The following DYNC2H1 variants were observed in gnomAD, a reference collection of about 807,000 sequenced individuals.
DYNC2H1 encodes cytoplasmic dynein 2 heavy chain 1.
DYNC2H1 carries 410 observed loss-of-function variants against 570.0 expected under a neutral mutation model. The observed-to-expected ratio is 0.72, with a 90% CI of 0.66 to 0.78. DYNC2H1 has a LOEUF of 0.78. DYNC2H1 is among the 30% of genes least tolerant of loss of function. The probability of loss-of-function intolerance (pLI) is 0.00; values close to 1 mark genes in which losing one functional copy is unlikely to be tolerated. For synonymous variants in DYNC2H1, 1,688 were observed against 1,677.6 expected (o/e 1.01, Z -0.15); for missense variants, 4,865 against 5,046.4 (o/e 0.96, Z 1.09).
At position 103,186,487 on chromosome 11, in the gene DYNC2H1, A is replaced by G. The variant is rs2135029657; in HGVS notation, c.6879A>G (p.Glu2293=). Residue 2293 remains glutamate (E), a synonymous_variant, in exon 42 of 89, where the codon GAA becomes GAG. Transcript: ENST00000375735. The surrounding 1 kb of genome is among the most constrained non-coding windows in gnomAD (Gnocchi z 4.5). ...AGCCCTTTATTCTGGTAGGACCAGAAGGATGTGGCAAAGGGTAAGAAAAAT... is the reference window on the plus strand; with the variant it reads ...AGCCCTTTATTCTGGTAGGACCAGAGGGATGTGGCAAAGGGTAAGAAAAAT... ...TKQPFILVGP[E]GCGKGMLLRY... The G allele has an allele frequency of 6.2e-7, 1 of 1,610,750 alleles. No individual in the cohort carries two copies. Among genetic ancestry groups the G allele is most frequent in the East Asian group, 2.2e-5 (1 of 44,802 alleles).
intron 31 of DYNC2H1, 66 bp downstream of exon 31, chr11:103,166,114 A>G (rs1861294462): frequency 7.4e-7 from 1 of 1,356,564 alleles, no homozygotes; most frequent in Admixed American, 2.8e-5. Flanking sequence ...ATCCTAATTT[A>G]CCTATTGTGT....
intron 87 of DYNC2H1, among the ~76,000 whole-genome samples, chr11:103,464,326 TGAA>T (rs1945124077): frequency 1.3e-5 from 2 of 150,576 alleles, no homozygotes; most frequent in South Asian, 4.3e-4. Flanking sequence ...TAGATATGAT[TGAA>T]GAAGACATGA....
chr11:103,236,579 A>T (rs755996277), intron 63 of DYNC2H1, 40 bp downstream of exon 63: 1 of 1,099,798 alleles, frequency 9.1e-7, no homozygotes, highest in South Asian at 1.4e-5. Flanking sequence ...GAAATGTTTT[A>T]TTGTCAAGCT....
chr11:103,342,783 G>A (rs1255205565), intron 82 of DYNC2H1, among the ~76,000 whole-genome samples: 2 of 152,080 alleles, frequency 1.3e-5, no homozygotes, highest in Non-Finnish European at 2.9e-5. Flanking sequence ...GCACCTGGCT[G>A]GGTCTGTGCC....
chr11:103,285,445 C>T (rs695130), intron 73 of DYNC2H1, among the ~76,000 whole-genome samples: 24,541 of 128,112 alleles, frequency 0.19, 2,234 homozygotes, highest in Admixed American at 0.31. Flanking sequence ...TTTTTTGAGA[C>T]AGAGTCTCGC....
intron 53 of DYNC2H1, among the ~76,000 whole-genome samples, chr11:103,210,987 T>C (rs1047387376): frequency 2.6e-5 from 4 of 152,050 alleles, no homozygotes; most frequent in African/African-American, 9.7e-5. Flanking sequence ...TCTTCAGTTA[T>C]TGGAAAATAG....
chr11:103,372,767 T>C (rs1003869790), intron 83 of DYNC2H1, among the ~76,000 whole-genome samples: 2 of 152,210 alleles, frequency 1.3e-5, no homozygotes, highest in African/African-American at 4.8e-5. Context: ...AAAATGAGTT[T>C]AGAATTGTTT....
chr11:103,175,992 T>C (rs571757297), intron 36 of DYNC2H1, among the ~76,000 whole-genome samples: 128 of 152,264 alleles, frequency 8.4e-4, no homozygotes, highest in African/African-American at 3.1e-3. Context: ...ATTAAAGTCT[T>C]GGTACCCTGT....
intron 82 of DYNC2H1, among the ~76,000 whole-genome samples, chr11:103,335,790 G>T (rs1939091401): frequency 1.3e-5 from 2 of 152,052 alleles, no homozygotes; most frequent in Admixed American, 1.3e-4. Context: ...TACTTCTTGT[G>T]CTCCCTGTAA....
In DYNC2H1 at chr11:103,243,740, G is replaced by A. The variant is rs1399952345; in HGVS notation, c.9867G>A (p.Glu3289=). 1.2e-6 allele frequency: 2 copies of A among 1,606,748 alleles called. No homozygotes were observed. Among genetic ancestry groups the A allele is most frequent in the South Asian group, 2.2e-5 (2 of 89,666 alleles). Residue 3289 remains glutamate, a synonymous_variant, in exon 64 of 89, where the codon GAG becomes GAA. Transcript: ENST00000375735. The surrounding 1 kb of genome is among the most constrained non-coding windows in gnomAD (Gnocchi z 4.8). ...FLIDPSSQAT[E]WLKTHLKDSR... The stretch of plus-strand genomic sequence containing the variant: ...TAGATCCTTCTTCCCAAGCTACAGA[G>A]TGGTTAAAAACACATTTGAAAGACT...
chr11:103,163,534 A>T lies in DYNC2H1; in HGVS notation c.4611+387A>T, dbSNP rs928298864. On this transcript the variant is annotated intron_variant, in intron 30 of 88. Coordinates refer to ENST00000375735, the MANE Select transcript of DYNC2H1 (RefSeq NM_001377.3). The surrounding 1 kb of genome is among the most constrained non-coding windows in gnomAD (Gnocchi z 4.6). Reference sequence around the variant, plus strand: ...CTTAGCAGGTATTAGTGTAAATCTGAAATAGTCATAACACTAAACTGTAAT... The same window carrying T: ...CTTAGCAGGTATTAGTGTAAATCTGTAATAGTCATAACACTAAACTGTAAT... Among the ~76,000 whole-genome samples the T allele has an allele frequency of 1.3e-5, 2 of 152,192 alleles. No homozygotes were observed. The highest frequency in any genetic ancestry group is 4.8e-5 in the African/African-American group (2 of 41,448).
At chr11:103,364,302 G>A (rs774243737) in intron 83 of DYNC2H1, among the ~76,000 whole-genome samples, 3 of 149,644 alleles carry the variant, frequency 2.0e-5, no homozygotes, top group East Asian at 2.0e-4. Context: ...GGAGGCTTTC[G>A]TGAGAAGCAG....
In DYNC2H1 at chr11:103,225,441, C is replaced by T. The variant is rs183883316; in HGVS notation, c.9353+2355C>T. On this transcript the variant is annotated intron_variant, in intron 59 of 88. Coordinates refer to ENST00000375735, the MANE Select transcript of DYNC2H1 (RefSeq NM_001377.3). ...GTTAATTTTTGTATAGGGTGAGAGA[C>T]GAGGATCCAGTTTCATTCTTCTACG... Among the ~76,000 whole-genome samples the T allele has an allele frequency of 4.5e-3, 688 of 152,088 alleles. 3 individuals carry two copies. Among genetic ancestry groups the T allele is most frequent in the Middle Eastern group, 0.02 (6 of 294 alleles).
At chr11:103,425,654 A>G (rs943073416) in intron 84 of DYNC2H1, among the ~76,000 whole-genome samples, 16 of 152,150 alleles carry the variant, frequency 1.1e-4, no homozygotes, top group African/African-American at 3.9e-4. Context: ...CTGTTTTAAA[A>G]TAACATTTAA....
chr11:103,345,102 G>A (rs1203539198), intron 82 of DYNC2H1, among the ~76,000 whole-genome samples: 2 of 152,162 alleles, frequency 1.3e-5, no homozygotes, highest in Non-Finnish European at 2.9e-5. Context: ...ACATTATAAA[G>A]CAGTGTTGCA....
intron 85 of DYNC2H1, among the ~76,000 whole-genome samples, chr11:103,438,901 C>T (rs1944158918): frequency 6.6e-6 from 1 of 151,984 alleles, no homozygotes; most frequent in Admixed American, 6.6e-5. Context: ...TCCAGTGACT[C>T]AGGAGACTAA....
At chr11:103,140,767 G>C (rs1472487159) in intron 17 of DYNC2H1, among the ~76,000 whole-genome samples, 3 of 152,128 alleles carry the variant, frequency 2.0e-5, no homozygotes, top group African/African-American at 7.2e-5. Context: ...GCTAGATTGG[G>C]GAAGTTCTCC....
At chr11:103,386,825 T>C (rs539763244) in intron 83 of DYNC2H1, among the ~76,000 whole-genome samples, 2,426 of 152,288 alleles carry the variant, frequency 0.016, 70 homozygotes, top group African/African-American at 0.055. Flanking sequence ...ACAAAGGACA[T>C]GAACTCATCA....
intron 76 of DYNC2H1, among the ~76,000 whole-genome samples, chr11:103,304,098 A>C (rs1277597884): frequency 6.6e-6 from 1 of 152,124 alleles, no homozygotes; most frequent in African/African-American, 2.4e-5. Context: ...ATTTTTAAGA[A>C]GTGAATACAT....
Sources: allele counts gnomAD v4.1 joint callset (sites outside exome capture counted in the v4.1 genomes callset), GRCh38; gene constraint gnomAD v4.1.1; non-coding constraint Gnocchi (gnomAD v3.1); transcripts MANE v1.5; gene names NCBI Gene and HGNC (gene_info 2026-07-23, HGNC 2026-07-21).